SF3B2: variants seen among roughly 807,000 people sequenced by gnomAD.
SF3B2 encodes the protein splicing factor 3b subunit 2.
In SF3B2, 22 loss-of-function variants were observed where a neutral mutation model predicts 116.3. The ratio of observed to expected loss-of-function variants is 0.19; its 90% CI spans 0.14 to 0.27. The LOEUF is 0.27. Ranked by LOEUF, SF3B2 falls within the 10% of genes least tolerant of loss-of-function variation. The pLI, the probability that SF3B2 is intolerant of heterozygous loss-of-function variation, is 1.00. For synonymous variants in SF3B2, 406 were observed against 421.6 expected, an observed-to-expected ratio of 0.96 and a Z score of 0.45; for missense variants, 767 against 1,151.4, an observed-to-expected ratio of 0.67 and a Z score of 4.83.
At chr11:66,055,937 A>G in intron 5 of SF3B2, 3 of 264,760 alleles carry the variant, frequency 1.1e-5, no homozygotes, top group Non-Finnish European at 2.1e-5. Flanking sequence ...CTCGCCTTAC[A>G]TGACATCATT....
rs199609387 is a variant in SF3B2 at position 66,059,968 on chromosome 11, C to T, written c.1588C>T (p.Arg530Cys). 5 of 1,614,200 alleles carry T rather than the reference C, an allele frequency of 3.1e-6. No homozygotes were observed. Among genetic ancestry groups the T allele is most frequent in the East Asian group, 2.2e-5 (1 of 44,880 alleles). Reference sequence around the variant, plus strand: ...CTTCGAGCTGCCAGACTTCATCAAACGCACAGGCATCCAGGAGATGCGAGA... The same window carrying T: ...CTTCGAGCTGCCAGACTTCATCAAATGCACAGGCATCCAGGAGATGCGAGA... ...PPFELPDFIK[R>C]TGIQEMREAL... is the part of the protein sequence containing the mutation. Residue 530 changes from arginine (R) to cysteine (C), a missense_variant, in exon 13 of 22, where the codon CGC becomes TGC. Physicochemically the swap from Arg to Cys is radical, Grantham distance 180. Coordinates refer to ENST00000322535, the MANE Select transcript of SF3B2 (RefSeq NM_006842.3). This position sits in a 1 kb window ranked among gnomAD's most constrained non-coding sequence, Gnocchi z 5.0.
At chr11:66,055,506 G>A (rs1272599950) in intron 4 of SF3B2, 29 bp from the exon 5 acceptor site, 1 of 1,613,802 alleles carries the variant, frequency 6.2e-7, no homozygotes, top group African/African-American at 1.3e-5. Flanking sequence ...GGGTATTGGT[G>A]CTGGTATGAA....
Position 66,058,368 on chromosome 11 carries a change from A to G in SF3B2, c.929A>G (p.Glu310Gly). 1 of 1,614,122 alleles carries G rather than the reference A, an allele frequency of 6.2e-7. No individual in the cohort carries two copies. Among genetic ancestry groups the G allele is most frequent in the Non-Finnish European group, 8.5e-7 (1 of 1,179,998 alleles). The stretch of plus-strand genomic sequence containing the variant: ...TCGTCCCTGGGCCAGTCAGCGTCAG[A>G]GACTGAGGAGGACACAGTGTCCGTA... ...ARSSLGQSAS[E>G]TEEDTVSVSK... The change falls in exon 9 of 22, where the codon GAG becomes GGG. Residue 310 changes from glutamate (E) to glycine (G), a missense_variant. Physicochemically the swap from Glu to Gly is moderately conservative, Grantham distance 98. Around this residue, in one of 4 missense-constraint regions of SF3B2, gnomAD observed 455 missense variants for 537.5 expected, o/e 0.85. Transcript: ENST00000322535.
chr11:66,056,924 G>T lies in SF3B2; in HGVS notation c.636G>T (p.Gln212His), dbSNP rs1313751496. ...PVPRPPQDMG[Q>H]IGVRTPLGPR... ...CTCGGCCCCCACAAGACATGGGCCA[G>T]ATTGGTGTGCGCACTCCTCTGGGTC... The change falls in exon 6 of 22, where the codon CAG becomes CAT. Residue 212 changes from glutamine to histidine, a missense_variant. Physicochemically the swap from Gln to His is conservative, Grantham distance 24. Coordinates refer to ENST00000322535, the MANE Select transcript of SF3B2 (RefSeq NM_006842.3). 3 of 1,614,070 alleles carry T rather than the reference G, an allele frequency of 1.9e-6. No homozygotes were observed. The highest frequency in any genetic ancestry group is 1.3e-5 in the African/African-American group (1 of 74,934).
At chr11:66,056,454 T>G (rs976582157) in intron 5 of SF3B2, among the ~76,000 whole-genome samples, 1 of 150,226 alleles carries the variant, frequency 6.7e-6, no homozygotes, top group Non-Finnish European at 1.5e-5. Context: ...TAAAGTACTG[T>G]CTTTGCCCAG....
chr11:66,055,352 G>A, intron 4 of SF3B2, 37 bp downstream of exon 4: 1 of 1,598,398 alleles, frequency 6.3e-7, no homozygotes. Context: ...GGACTCATTA[G>A]GTCCCTGAAG....
In SF3B2 at chr11:66,059,382, A is replaced by G. The variant is rs758278004; in HGVS notation, c.1320+44A>G. On this transcript the variant is annotated intron_variant, in intron 11 of 21. Coordinates refer to ENST00000322535, the MANE Select transcript of SF3B2 (RefSeq NM_006842.3). This position sits in a 1 kb window ranked among gnomAD's most constrained non-coding sequence, Gnocchi z 5.0. Reference sequence around the variant, plus strand: ...GGTGGGAAGCAGGGACTCTGGGCACAGGTGGCTGAGATGCATCCAGAGAGG... The same window carrying G: ...GGTGGGAAGCAGGGACTCTGGGCACGGGTGGCTGAGATGCATCCAGAGAGG... The G allele has an allele frequency of 2.5e-6, 4 of 1,612,760 alleles. No individual in the cohort carries two copies. The African/African-American group carries it at 5.3e-5, about 22-fold the overall frequency.
Position 66,055,284 on chromosome 11 carries a change from T to C in SF3B2, c.467T>C (p.Leu156Ser). Reference protein sequence around the residue: ...RLKLAQQQAALLMQQEERAKQ... With the variant: ...RLKLAQQQAASLMQQEERAKQ... ...AAGTTGGCTCAGCAGCAGGCGGCATTGCTGATGCAGCAGGAGGAGCGTGCC... is the reference window on the plus strand; with the variant it reads ...AAGTTGGCTCAGCAGCAGGCGGCATCGCTGATGCAGCAGGAGGAGCGTGCC... Residue 156 changes from leucine to serine, a missense_variant, in exon 4 of 22, where the codon TTG becomes TCG. Around this residue, in one of 4 missense-constraint regions of SF3B2, gnomAD observed 455 missense variants for 537.5 expected, o/e 0.85. Transcript: ENST00000322535. 6.2e-7 allele frequency: 1 copy of C among 1,613,572 alleles called. No homozygotes were observed. The highest frequency in any genetic ancestry group is 8.5e-7 in the Non-Finnish European group (1 of 1,179,898).
intron 19 of SF3B2, chr11:66,065,556 T>C (rs1055162155): frequency 6.6e-6 from 1 of 152,216 alleles, no homozygotes; most frequent in Non-Finnish European, 1.5e-5. Flanking sequence ...ATATTTTCTC[T>C]GTTCCCTTCT....
chr11:66,057,341 G>T lies in SF3B2; in HGVS notation c.743G>T (p.Gly248Val), dbSNP rs1326803852. 1.3e-6 allele frequency: 2 copies of T among 1,558,634 alleles called. No individual in the cohort carries two copies. The highest frequency in any genetic ancestry group is 2.7e-5 in the African/African-American group (2 of 74,122). The change falls in exon 7 of 22, where the codon GGT (glycine) becomes GTT (valine). Residue 248 changes from glycine to valine, a missense_variant. Physicochemically the swap from Gly to Val is moderately radical, Grantham distance 109. Around this residue, in one of 4 missense-constraint regions of SF3B2, gnomAD observed 455 missense variants for 537.5 expected, o/e 0.85. Coordinates refer to ENST00000322535, the MANE Select transcript of SF3B2 (RefSeq NM_006842.3). ...PMGAPVPRPR[G>V]PPPPPGDENR... ...GGAGCCCCTGTTCCCCGGCCTCGTGGTCCCCCACCGCCCCCTGGAGATGAG... is the reference window on the plus strand; with the variant it reads ...GGAGCCCCTGTTCCCCGGCCTCGTGTTCCCCCACCGCCCCCTGGAGATGAG...
At chr11:66,054,574 A>G (rs1856959145) in intron 3 of SF3B2, among the ~76,000 whole-genome samples, 1 of 152,042 alleles carries the variant, frequency 6.6e-6, no homozygotes, top group African/African-American at 2.4e-5. Flanking sequence ...CCCCAGGCAC[A>G]GTTCCCATGT....
chr11:66,058,970 T>C lies in SF3B2; in HGVS notation c.1107T>C (p.Ile369=), dbSNP rs1439821389. ...ATTCCCCAGCAGCTGATGTTGAGAT[T>C]GAGTATGTGACTGAAGAACCTGAAA... The part of the protein sequence containing the change: ...GSDSPAADVE[I]EYVTEEPEIY... The change falls in exon 10 of 22, where the codon ATT becomes ATC. Residue 369 remains isoleucine, a synonymous_variant. Transcript: ENST00000322535. The C allele has an allele frequency of 1.2e-6, 2 of 1,614,002 alleles. No homozygotes were observed. Among genetic ancestry groups the C allele is most frequent in the East Asian group, 2.2e-5 (1 of 44,892 alleles).
At chr11:66,064,093 G>A (rs1203015102) in intron 19 of SF3B2, among the ~76,000 whole-genome samples, 1 of 152,166 alleles carries the variant, frequency 6.6e-6, no homozygotes, top group African/African-American at 2.4e-5. Context: ...AAGTGCAAAG[G>A]CACTGAGACA....
intron 17 of SF3B2, 99 bp from the exon 18 acceptor site, chr11:66,063,301 T>G: frequency 8.2e-7 from 1 of 1,216,602 alleles, no homozygotes; most frequent in Non-Finnish European, 1.2e-6. Flanking sequence ...AGGTAGGGAT[T>G]ATTGTGTTTT....
chr11:66,069,026 G>A lies in SF3B2; in HGVS notation c.*281G>A, dbSNP rs934158801. On this transcript the variant is annotated 3_prime_UTR_variant, in exon 22 of 22. Coordinates refer to ENST00000322535, the MANE Select transcript of SF3B2 (RefSeq NM_006842.3). The stretch of plus-strand genomic sequence containing the variant: ...CGAACATAAACTGGGATTAGACGGC[G>A]CATTTGACTGGTGGTGACGCCAACC... The A allele has an allele frequency of 2.7e-5, 12 of 436,426 alleles. No individual in the cohort carries two copies. The highest frequency in any genetic ancestry group is 9.9e-5 in the African/African-American group (5 of 50,528). The allele number at this position is 436,426 out of a possible 1,614,324, so 27.0% of individuals were successfully genotyped here. A position where few individuals can be genotyped will look rare whatever the true frequency, so the allele number is the denominator to read the frequency against.
At position 66,059,276 on chromosome 11, in the gene SF3B2, A is replaced by G. The variant is rs202170202; in HGVS notation, c.1258A>G (p.Lys420Glu). 1.9e-6 allele frequency: 3 copies of G among 1,614,062 alleles called. No homozygotes were observed. In the East Asian group the frequency reaches 6.7e-5, roughly 36 times the overall value. Reference sequence around the variant, plus strand: ...CAAACTGGAGAACTCTGCAGCCCCCAAGAAGAAGGGATTTGAAGAGGAGCA... The same window carrying G: ...CAAACTGGAGAACTCTGCAGCCCCCGAGAAGAAGGGATTTGAAGAGGAGCA... Reference protein sequence around the residue: ...LDKLENSAAPKKKGFEEEHKD... With the variant: ...LDKLENSAAPEKKGFEEEHKD... The change falls in exon 11 of 22, where the codon AAG becomes GAG. Residue 420 changes from lysine (K) to glutamate (E), a missense_variant. By Grantham distance (56) the Lys-to-Glu change is moderately conservative. Transcript: ENST00000322535. The surrounding 1 kb of genome is among the most constrained non-coding windows in gnomAD (Gnocchi z 5.0).
intron 6 of SF3B2, 140 bp from the exon 7 acceptor site, chr11:66,057,126 A>AG (rs1324715282): frequency 4.1e-5 from 35 of 854,770 alleles, no homozygotes; most frequent in Admixed American, 1.0e-4. Flanking sequence ...CATGATCCAA[A>AG]ACATTACCAG....
At chr11:66,064,245 A>G (rs1466569288) in intron 19 of SF3B2, among the ~76,000 whole-genome samples, 3 of 151,986 alleles carry the variant, frequency 2.0e-5, no homozygotes, top group Non-Finnish European at 1.5e-5. Flanking sequence ...CTGTTTTTCT[A>G]CCTTCTTTTG....
intron 9 of SF3B2, 72 bp from the exon 10 acceptor site, chr11:66,058,758 G>A (rs1857046790): frequency 7.9e-7 from 1 of 1,269,854 alleles, no homozygotes; most frequent in Non-Finnish European, 1.1e-6. Context: ...GAATGGGGGA[G>A]GAGTTTAGGG....
Sources: allele counts gnomAD v4.1 joint callset (sites outside exome capture counted in the v4.1 genomes callset), GRCh38; gene constraint gnomAD v4.1.1; regional missense constraint gnomAD v4.1.1; non-coding constraint Gnocchi (gnomAD v3.1); transcripts MANE v1.5; gene names NCBI Gene and HGNC (gene_info 2026-07-23, HGNC 2026-07-21).